The following CDK19 variants were observed in gnomAD, a reference collection of about 807,000 sequenced individuals.
The protein encoded by CDK19 is cyclin-dependent kinase 19.
CDK19 carries 20 observed loss-of-function variants against 68.3 expected under a neutral mutation model. That is an observed-to-expected ratio of 0.29 (90% CI 0.21 to 0.43). The LOEUF (loss-of-function observed/expected upper bound fraction) is 0.43, where lower values mean the gene tolerates loss of function less well. Among genes scored for constraint, CDK19 ranks in the 20% least tolerant of loss-of-function variants. CDK19 has a pLI of 1.00. For missense variants in CDK19, 339 were observed against 623.5 expected (o/e 0.54, Z 4.86); for synonymous variants, 221 against 222.8 (o/e 0.99, Z 0.07).
chr6:110,742,266 C>T (rs1777733783), intron 2 of CDK19, among the ~76,000 whole-genome samples: 1 of 152,188 alleles, frequency 6.6e-6, no homozygotes, highest in African/African-American at 2.4e-5. Flanking sequence ...GTGAAGATTT[C>T]ATGGACATTT....
At chr6:110,794,055 GTTTGT>G (rs769607150) in intron 1 of CDK19, among the ~76,000 whole-genome samples, 3 of 152,140 alleles carry the variant, frequency 2.0e-5, no homozygotes, top group East Asian at 3.9e-4. Context: ...TTGTTTGTTT[GTTTGT>G]TTTAAGATGG....
intron 1 of CDK19, among the ~76,000 whole-genome samples, chr6:110,779,072 C>A (rs1780615235): frequency 6.6e-6 from 1 of 152,152 alleles, no homozygotes; most frequent in Admixed American, 6.5e-5. Context: ...AATATACCCA[C>A]CTTTACACTG....
chr6:110,769,300 C>T (rs182312783), intron 1 of CDK19, among the ~76,000 whole-genome samples: 4 of 151,966 alleles, frequency 2.6e-5, no homozygotes, highest in African/African-American at 9.6e-5. Flanking sequence ...CACCGTGGCT[C>T]ACACCTGTAA....
chr6:110,731,201 G>A (rs771303761), intron 2 of CDK19, among the ~76,000 whole-genome samples: 1 of 152,158 alleles, frequency 6.6e-6, no homozygotes, highest in Non-Finnish European at 1.5e-5. Flanking sequence ...CCTGCTGAAT[G>A]AGAATCTGCA....
chr6:110,641,103 GAAAGAA>G (rs771573198), intron 4 of CDK19, among the ~76,000 whole-genome samples: 4 of 151,676 alleles, frequency 2.6e-5, no homozygotes, highest in African/African-American at 7.3e-5. Context: ...CACCATACTA[GAAAGAA>G]AAAGAAAAAG....
intron 1 of CDK19, among the ~76,000 whole-genome samples, chr6:110,780,005 G>T (rs969687696): frequency 6.6e-6 from 1 of 152,146 alleles, no homozygotes; most frequent in African/African-American, 2.4e-5. Flanking sequence ...AGATCACAAG[G>T]TCAAGAGATT....
intron 2 of CDK19, among the ~76,000 whole-genome samples, chr6:110,672,335 T>C (rs1337046996): frequency 6.6e-6 from 1 of 152,184 alleles, no homozygotes; most frequent in Non-Finnish European, 1.5e-5. Context: ...CTGGCACAGA[T>C]CCCTGATTCC....
intron 2 of CDK19, among the ~76,000 whole-genome samples, chr6:110,711,904 C>T (rs962581973): frequency 1.3e-5 from 2 of 152,172 alleles, no homozygotes; most frequent in African/African-American, 2.4e-5. Flanking sequence ...GGCTGGGGGG[C>T]GGAGGTTGTA....
At position 110,661,724 on chromosome 6, in the gene CDK19, T is replaced by C. The variant is rs1193101097; in HGVS notation, c.456+5710A>G. Among the ~76,000 whole-genome samples the C allele has an allele frequency of 2.0e-5, 3 of 152,226 alleles. No homozygotes were observed. The East Asian group carries it at 5.8e-4, about 29-fold the overall frequency. On this transcript the variant is annotated intron_variant, in intron 4 of 12. Transcript: ENST00000368911. ...CTCTAATAGAATAAGTTTTTACTTC[T>C]GTGACAGAAGTAACAGCTACTAGAC...
At chr6:110,793,561 G>A (rs1468564473) in intron 1 of CDK19, among the ~76,000 whole-genome samples, 1 of 152,166 alleles carries the variant, frequency 6.6e-6, no homozygotes, top group East Asian at 1.9e-4. Context: ...AAGAATGTGG[G>A]TTTTAACTGC....
chr6:110,666,882 A>G (rs989733379), intron 4 of CDK19, among the ~76,000 whole-genome samples: 2 of 152,218 alleles, frequency 1.3e-5, no homozygotes, highest in Non-Finnish European at 2.9e-5. Flanking sequence ...ATCTGATATC[A>G]GTAAATAATG....
chr6:110,635,579 G>T (rs373558348), intron 5 of CDK19, among the ~76,000 whole-genome samples: 1 of 151,936 alleles, frequency 6.6e-6, no homozygotes, highest in Non-Finnish European at 1.5e-5. Context: ...TTGCTCTGTC[G>T]CCCAGGCTGG....
chr6:110,681,659 C>T (rs1451607277), intron 2 of CDK19, among the ~76,000 whole-genome samples: 1 of 152,162 alleles, frequency 6.6e-6, no homozygotes, highest in Middle Eastern at 3.2e-3. Flanking sequence ...ATTTTACCAA[C>T]GGACTTTAAT....
chr6:110,649,126 A>C (rs1204879190), intron 4 of CDK19, among the ~76,000 whole-genome samples: 1 of 152,170 alleles, frequency 6.6e-6, no homozygotes, highest in Non-Finnish European at 1.5e-5. Flanking sequence ...CTTATTTGTA[A>C]ATTCCATTTA....
At chr6:110,697,591 C>A (rs907436968) in intron 2 of CDK19, among the ~76,000 whole-genome samples, 9 of 151,780 alleles carry the variant, frequency 5.9e-5, no homozygotes, top group Admixed American at 5.9e-4. Flanking sequence ...TTGCCAAAAG[C>A]GATCCATAAA....
chr6:110,679,316 T>TA (rs58934719), intron 2 of CDK19, among the ~76,000 whole-genome samples: 9,045 of 136,920 alleles, frequency 0.066, 317 homozygotes, highest in African/African-American at 0.11. Context: ...ACCCTGTCTC[T>TA]AAAAAAAAAA....
chr6:110,772,689 T>C (rs1780105210), intron 1 of CDK19, among the ~76,000 whole-genome samples: 1 of 152,182 alleles, frequency 6.6e-6, no homozygotes, highest in Admixed American at 6.5e-5. Context: ...GGCCACAAGT[T>C]CCAGACCAGC....
At chr6:110,755,755 C>T (rs571018304) in intron 1 of CDK19, among the ~76,000 whole-genome samples, 2 of 152,238 alleles carry the variant, frequency 1.3e-5, no homozygotes, top group Admixed American at 6.5e-5. Context: ...CCTGTACTAT[C>T]GAAAGCCATC....
chr6:110,701,161 G>C (rs973151956), intron 2 of CDK19, among the ~76,000 whole-genome samples: 1 of 151,162 alleles, frequency 6.6e-6, no homozygotes, highest in Non-Finnish European at 1.5e-5. Flanking sequence ...CCGAGATCGT[G>C]CCACTGCACT....
Sources: gnomAD v4.1 joint callset for allele counts (sites outside exome capture counted in the v4.1 genomes callset) on GRCh38, gnomAD v4.1.1 for gene constraint, MANE v1.5 for transcripts, NCBI Gene and HGNC (gene_info 2026-07-23, HGNC 2026-07-21) for gene names.